Variants in ARID5B observed in about 807,000 individuals in gnomAD.
ARID5B encodes AT-rich interactive domain-containing protein 5B.
Under a neutral mutation model 97.2 loss-of-function variants are expected in ARID5B, and 13 were observed. That is an observed-to-expected ratio of 0.13 (90% CI 0.09 to 0.21). The LOEUF (loss-of-function observed/expected upper bound fraction) is 0.21. Ranked by LOEUF, ARID5B falls within the 10% of genes least tolerant of loss-of-function variation. ARID5B has a pLI of 1.00. For synonymous variants in ARID5B, 556 were observed against 570.3 expected (o/e 0.97, Z 0.36); for missense variants, 1,210 against 1,465.3 (o/e 0.83, Z 2.84).
intron 4 of ARID5B, among the ~76,000 whole-genome samples, chr10:62,019,847 A>G (rs1171751068): frequency 6.6e-6 from 1 of 152,194 alleles, no homozygotes; most frequent in East Asian, 1.9e-4. Flanking sequence ...TTCAGAGTGA[A>G]GATTTGCTCC....
At chr10:61,940,675 T>C (rs1350123111) in intron 3 of ARID5B, among the ~76,000 whole-genome samples, 1 of 151,830 alleles carries the variant, frequency 6.6e-6, no homozygotes, top group Non-Finnish European at 1.5e-5. Context: ...TGTCAAGGCA[T>C]ACAATTTAAT....
chr10:62,007,386 A>G (rs142254079), intron 4 of ARID5B, among the ~76,000 whole-genome samples: 2 of 152,290 alleles, frequency 1.3e-5, no homozygotes, highest in Non-Finnish European at 2.9e-5. Flanking sequence ...GGTTTATTCC[A>G]CAGCTATTAT....
chr10:61,945,393 C>G (rs1312309183), intron 3 of ARID5B, among the ~76,000 whole-genome samples: 1 of 151,982 alleles, frequency 6.6e-6, no homozygotes, highest in African/African-American at 2.4e-5. Flanking sequence ...AATATCTGTA[C>G]TCACTTCATT....
intron 4 of ARID5B, among the ~76,000 whole-genome samples, chr10:62,013,352 C>T (rs2132882127): frequency 6.6e-6 from 1 of 152,072 alleles, no homozygotes; most frequent in African/African-American, 2.4e-5. Flanking sequence ...CTATCATGTA[C>T]AATGTGTTGT....
intron 3 of ARID5B, among the ~76,000 whole-genome samples, chr10:61,997,535 CAAG>C (rs1839018154): frequency 6.6e-6 from 1 of 152,150 alleles, no homozygotes; most frequent in Admixed American, 6.5e-5. Context: ...CATTTTATTT[CAAG>C]AATACTTGGA....
intron 4 of ARID5B, among the ~76,000 whole-genome samples, chr10:62,045,465 T>TA (rs1196335485): frequency 2.4e-5 from 3 of 125,114 alleles, no homozygotes; most frequent in Non-Finnish European, 5.2e-5. Flanking sequence ...TTTTTTTTTT[T>TA]AGACGAAGTC....
At chr10:62,002,912 A>C (rs1007902845) in intron 4 of ARID5B, among the ~76,000 whole-genome samples, 1 of 152,182 alleles carries the variant, frequency 6.6e-6, no homozygotes, top group Non-Finnish European at 1.5e-5. Context: ...CAGTATGCCT[A>C]GGCTGTAAAA....
chr10:61,937,921 G>T (rs1844334777), intron 2 of ARID5B, among the ~76,000 whole-genome samples: 1 of 152,126 alleles, frequency 6.6e-6, no homozygotes, highest in South Asian at 2.1e-4. Flanking sequence ...CTCCTTATCA[G>T]ATTTCCTTCT....
At chr10:62,030,788 G>A (rs945932206) in intron 4 of ARID5B, among the ~76,000 whole-genome samples, 1 of 152,194 alleles carries the variant, frequency 6.6e-6, no homozygotes. Context: ...TAGTTGCCTA[G>A]CAACCACGAA....
intron 4 of ARID5B, among the ~76,000 whole-genome samples, chr10:62,018,981 A>G (rs1443993700): frequency 6.6e-6 from 1 of 152,136 alleles, no homozygotes; most frequent in African/African-American, 2.4e-5. Flanking sequence ...ATGAATCTCA[A>G]ATTTCAGTCC....
chr10:61,956,977 C>T (rs1240695078), intron 3 of ARID5B, among the ~76,000 whole-genome samples: 3 of 152,112 alleles, frequency 2.0e-5, no homozygotes, highest in Non-Finnish European at 4.4e-5. Context: ...GATCATGGCT[C>T]ATTGCAGCCT....
chr10:61,901,720 A>G lies in ARID5B; in HGVS notation c.11A>G (p.Asn4Ser), dbSNP rs766062378. 20 of 1,613,592 alleles carry G rather than the reference A, an allele frequency of 1.2e-5. 1 individual carries two copies. The highest frequency in any genetic ancestry group is 3.3e-5 in the South Asian group (3 of 91,062). ...ATTCAGAACGTCGAGATGGAGCCCA[A>G]CTCACTCCAGGTATTTCGCTCTCCT... is the stretch of plus-strand genomic sequence containing the variant. MEPNSLQWVGSPCG... is the reference protein window; with the variant it reads MEPSSLQWVGSPCG... Residue 4 changes from asparagine to serine, a missense_variant, in exon 1 of 10, where the codon AAC (asparagine) becomes AGC (serine). Asn to Ser is a conservative substitution (Grantham distance 46). Around this residue, in one of 8 missense-constraint regions of ARID5B, gnomAD observed 80 missense variants for 133.2 expected, o/e 0.60. Transcript: ENST00000279873.
intron 8 of ARID5B, among the ~76,000 whole-genome samples, chr10:62,074,772 A>G (rs929387043): frequency 6.6e-6 from 1 of 152,236 alleles, no homozygotes; most frequent in Non-Finnish European, 1.5e-5. Flanking sequence ...GCAACTCCCT[A>G]GACCAGTGCT....
chr10:62,048,878 T>C (rs1839747065), intron 4 of ARID5B, among the ~76,000 whole-genome samples: 1 of 152,200 alleles, frequency 6.6e-6, no homozygotes, highest in African/African-American at 2.4e-5. Flanking sequence ...AGAGGGGATA[T>C]TGTTTTGTTT....
intron 3 of ARID5B, among the ~76,000 whole-genome samples, chr10:61,960,950 A>G (rs1039906687): frequency 1.3e-5 from 2 of 152,250 alleles, no homozygotes; most frequent in Non-Finnish European, 2.9e-5. Context: ...CATCTGTAAA[A>G]TGGGTATAAT....
chr10:62,004,444 G>C (rs2132872401), intron 4 of ARID5B, among the ~76,000 whole-genome samples: 1 of 152,266 alleles, frequency 6.6e-6, no homozygotes, highest in East Asian at 1.9e-4. Context: ...TCATTGTATT[G>C]CACATGCAAT....
intron 4 of ARID5B, among the ~76,000 whole-genome samples, chr10:62,027,377 C>T (rs145722388): frequency 0.012 from 1,586 of 134,062 alleles, 31 homozygotes; most frequent in African/African-American, 0.041. Context: ...GGCACAATCT[C>T]GGCTCACTGC....
At chr10:62,079,818 C>T (rs1840187490) in intron 8 of ARID5B, among the ~76,000 whole-genome samples, 1 of 152,148 alleles carries the variant, frequency 6.6e-6, no homozygotes. Context: ...TTTTCTTGTC[C>T]ATCTGCTGCC....
intron 3 of ARID5B, among the ~76,000 whole-genome samples, chr10:61,949,200 T>C (rs1589231238): frequency 1.3e-5 from 2 of 152,256 alleles, no homozygotes; most frequent in East Asian, 3.8e-4. Context: ...CCAAATAATA[T>C]AAAAACTGCA....
Sources: allele counts gnomAD v4.1 joint callset (sites outside exome capture counted in the v4.1 genomes callset), GRCh38; gene constraint gnomAD v4.1.1; regional missense constraint gnomAD v4.1.1; transcripts MANE v1.5; gene names NCBI Gene and HGNC (gene_info 2026-07-23, HGNC 2026-07-21).